RAI14: variants seen among roughly 807,000 people sequenced by gnomAD.
RAI14 encodes the protein ankycorbin.
In RAI14, 45 loss-of-function variants were observed where a neutral mutation model predicts 115.4. That is an observed-to-expected ratio of 0.39 (90% confidence interval 0.31 to 0.50). The LOEUF (loss-of-function observed/expected upper bound fraction) is 0.50. Among genes scored for constraint, RAI14 ranks in the 20% least tolerant of loss-of-function variants. RAI14 has a pLI of 0.85. For missense variants in RAI14, 939 were observed against 1,131.2 expected, an observed-to-expected ratio of 0.83 and a Z score of 2.44; for synonymous variants, 371 against 415.4, an observed-to-expected ratio of 0.89 and a Z score of 1.30.
intron 2 of RAI14, among the ~76,000 whole-genome samples, chr5:34,748,623 C>T (rs1319781959): frequency 6.6e-6 from 1 of 152,076 alleles, no homozygotes; most frequent in Non-Finnish European, 1.5e-5. Flanking sequence ...TTCTAATATC[C>T]TATTTTGCAT....
chr5:34,741,448 T>C (rs754551347), intron 2 of RAI14, among the ~76,000 whole-genome samples: 2 of 152,198 alleles, frequency 1.3e-5, no homozygotes, highest in Non-Finnish European at 2.9e-5. Context: ...GGAATGCTAG[T>C]GTAAAGCTTT....
chr5:34,832,408 C>G lies in RAI14; in HGVS notation c.*1643C>G, dbSNP rs571927001. 4 of 152,638 alleles carry G rather than the reference C, an allele frequency of 2.6e-5. No individual in the cohort carries two copies. The allele number at this position is 152,638 out of a possible 1,614,324, so 9.5% of individuals were successfully genotyped here. On this transcript the variant is annotated 3_prime_UTR_variant, in exon 18 of 18. Transcript: ENST00000265109. Reference sequence around the variant, plus strand: ...AATACACAACAGCCCCTTCTGCCCCCGCACAGAAATGCTGCAGAGTATATA... The same window carrying G: ...AATACACAACAGCCCCTTCTGCCCCGGCACAGAAATGCTGCAGAGTATATA...
At chr5:34,739,835 G>A (rs1334470184) in intron 2 of RAI14, among the ~76,000 whole-genome samples, 1 of 152,176 alleles carries the variant, frequency 6.6e-6, no homozygotes, top group Non-Finnish European at 1.5e-5. Context: ...GCCGAGGCGG[G>A]CGGATCACCT....
At chr5:34,686,484 G>A (rs1484076678) in intron 1 of RAI14, 12 of 152,656 alleles carry the variant, frequency 7.9e-5, no homozygotes, top group Admixed American at 7.9e-4. Flanking sequence ...ATTCCTGAGA[G>A]TAGATTTAGA....
chr5:34,686,914 C>G lies in RAI14; in HGVS notation c.-6C>G, dbSNP rs1744950918. ...CTAGAGCTTTGGAAGGCTGAATGCACTAAACATGAAGAGCTTGAAAGCGAA... is the reference window on the plus strand; with the variant it reads ...CTAGAGCTTTGGAAGGCTGAATGCAGTAAACATGAAGAGCTTGAAAGCGAA... On this transcript the variant is annotated 5_prime_UTR_variant, in exon 2 of 18. Coordinates refer to ENST00000265109, the MANE Select transcript of RAI14 (RefSeq NM_015577.3). The G allele has an allele frequency of 1.9e-5, 30 of 1,613,436 alleles. No individual in the cohort carries two copies. Among genetic ancestry groups the G allele is most frequent in the Non-Finnish European group, 2.5e-5 (30 of 1,179,714 alleles).
chr5:34,796,080 A>G, intron 4 of RAI14, 53 bp downstream of exon 4: 2 of 1,384,686 alleles, frequency 1.4e-6, no homozygotes, highest in Non-Finnish European at 2.0e-6. Context: ...ATTAGGTATC[A>G]AAAAGTAATA....
intron 15 of RAI14, among the ~76,000 whole-genome samples, chr5:34,825,260 G>A (rs1177785610): frequency 6.6e-6 from 1 of 152,214 alleles, no homozygotes; most frequent in African/African-American, 2.4e-5. Flanking sequence ...GGGCAACAGA[G>A]TGAGACCCTG....
rs531588093 is a variant in RAI14, at chr5:34,696,242, C to T, written c.36+9287C>T. On this transcript the variant is annotated intron_variant, in intron 2 of 17. Coordinates refer to ENST00000265109, the MANE Select transcript of RAI14 (RefSeq NM_015577.3). ...CAACCTCCGCCTCCCGGGTTTCTGC[C>T]GTTCTCCTGCCTCAGCCTCTGAGTA... Among the ~76,000 whole-genome samples, 10 of 152,146 alleles carry T rather than the reference C, an allele frequency of 6.6e-5. No homozygotes were observed. The South Asian group carries it at 1.9e-3, about 28-fold the overall frequency.
chr5:34,797,370 T>C (rs1346104127), intron 4 of RAI14, among the ~76,000 whole-genome samples: 1 of 152,064 alleles, frequency 6.6e-6, no homozygotes, highest in Admixed American at 6.6e-5. Flanking sequence ...AGGTTTAGAA[T>C]TGTTTTCATT....
At chr5:34,811,162 C>G in intron 8 of RAI14, 44 bp downstream of exon 8, 1 of 1,583,630 alleles carries the variant, frequency 6.3e-7, no homozygotes, top group African/African-American at 1.3e-5. Flanking sequence ...CAGTGATACC[C>G]ACATTCTGAG....
chr5:34,736,095 C>T (rs1214770936), intron 2 of RAI14, among the ~76,000 whole-genome samples: 1 of 152,174 alleles, frequency 6.6e-6, no homozygotes, highest in Non-Finnish European at 1.5e-5. Context: ...CTGGACTGTG[C>T]TTTGCAATGT....
Position 34,673,449 on chromosome 5 carries a change from G to A in RAI14, c.-48-13423G>A, listed in dbSNP as rs73089117. On this transcript the variant is annotated intron_variant, in intron 1 of 17. Transcript: ENST00000265109. Reference sequence around the variant, plus strand: ...ATATATTTCACTTCTGTAGCTTCGTGAAGTAAATTTAGCTGCTGACTTCAG... The same window carrying A: ...ATATATTTCACTTCTGTAGCTTCGTAAAGTAAATTTAGCTGCTGACTTCAG... Among the ~76,000 whole-genome samples the A allele has an allele frequency of 8.2e-3, 1,242 of 152,320 alleles. 18 individuals carry two copies. Among genetic ancestry groups the A allele is most frequent in the African/African-American group, 0.028 (1,149 of 41,570 alleles).
intron 3 of RAI14, among the ~76,000 whole-genome samples, chr5:34,768,754 C>T (rs1170067328): frequency 2.6e-5 from 4 of 152,050 alleles, no homozygotes; most frequent in African/African-American, 4.8e-5. Flanking sequence ...TTTGGGAGGC[C>T]GAGACGGGCA....
chr5:34,681,769 G>T (rs1744397474), intron 1 of RAI14, among the ~76,000 whole-genome samples: 1 of 151,958 alleles, frequency 6.6e-6, no homozygotes, highest in Non-Finnish European at 1.5e-5. Context: ...AAAATGTTGG[G>T]ATTACAGATG....
intron 3 of RAI14, among the ~76,000 whole-genome samples, chr5:34,774,631 G>A (rs1192607030): frequency 1.3e-5 from 2 of 151,540 alleles, no homozygotes; most frequent in African/African-American, 4.9e-5. Flanking sequence ...CACAAAAATG[G>A]AAACATTCTT....
intron 1 of RAI14, among the ~76,000 whole-genome samples, chr5:34,677,594 G>A (rs112357179): frequency 0.014 from 2,122 of 152,098 alleles, 47 homozygotes; most frequent in African/African-American, 0.047. Flanking sequence ...ACAGGTGCTC[G>A]CCACCATACC....
At chr5:34,659,484 C>T (rs1742531164) in intron 1 of RAI14, among the ~76,000 whole-genome samples, 1 of 152,062 alleles carries the variant, frequency 6.6e-6, no homozygotes. Context: ...CTCAGGCTGG[C>T]CTTGAACTCT....
intron 2 of RAI14, among the ~76,000 whole-genome samples, chr5:34,732,210 G>A (rs981571420): frequency 6.6e-6 from 1 of 152,152 alleles, no homozygotes; most frequent in African/African-American, 2.4e-5. Flanking sequence ...TGGTGTTTCT[G>A]TTCTGCCATG....
rs550560035 is a variant in RAI14, at chr5:34,740,617, G to A, written c.37-16851G>A. On this transcript the variant is annotated intron_variant, in intron 2 of 17. Coordinates refer to ENST00000265109, the MANE Select transcript of RAI14 (RefSeq NM_015577.3). Reference sequence around the variant, plus strand: ...AGTTCAGCCTTCATGGGCTTGCCTTGGAGGCCTGTGTCTTCTGGGGGCTGG... The same window carrying A: ...AGTTCAGCCTTCATGGGCTTGCCTTAGAGGCCTGTGTCTTCTGGGGGCTGG... 7.9e-4 allele frequency among the ~76,000 whole-genome samples: 120 copies of A among 152,250 alleles called. 1 individual carries two copies. Among genetic ancestry groups the A allele is most frequent in the African/African-American group, 2.7e-3 (114 of 41,544 alleles).
Sources: allele counts gnomAD v4.1 joint callset (sites outside exome capture counted in the v4.1 genomes callset), GRCh38; gene constraint gnomAD v4.1.1; transcripts MANE v1.5; gene names NCBI Gene and HGNC (gene_info 2026-07-23, HGNC 2026-07-21).